PEX1: variants seen among roughly 807,000 people sequenced by gnomAD.
PEX1 encodes the protein peroxisomal biogenesis factor 1, also known as peroxisomal ATPase PEX1.
A neutral mutation model predicts 152.5 loss-of-function variants in PEX1; 97 were observed. The observed-to-expected ratio is 0.64, with a 90% CI of 0.54 to 0.75. PEX1 has a LOEUF of 0.75. Ranked by LOEUF, PEX1 falls within the 30% of genes least tolerant of loss-of-function variation. PEX1 has a pLI of 0.00. For missense variants in PEX1, 1,357 were observed against 1,516.3 expected, an observed-to-expected ratio of 0.89 and a Z score of 1.74; for synonymous variants, 485 against 531.6, an observed-to-expected ratio of 0.91 and a Z score of 1.21.
At chr7:92,487,912 T>C (rs188720913) in intron 23 of PEX1, among the ~76,000 whole-genome samples, 19 of 152,304 alleles carry the variant, frequency 1.2e-4, no homozygotes, top group African/African-American at 4.6e-4. Context: ...TGGTGCAGTA[T>C]ATCTGGCAGG....
intron 6 of PEX1, among the ~76,000 whole-genome samples, chr7:92,512,465 G>A (rs1792520828): frequency 6.6e-6 from 1 of 152,064 alleles, no homozygotes; most frequent in Non-Finnish European, 1.5e-5. Context: ...TAGGACTACA[G>A]GCATGTGCCA....
At chr7:92,518,440 T>C (rs1213462917) in intron 3 of PEX1, among the ~76,000 whole-genome samples, 185 bp from the exon 4 acceptor site, 1 of 152,242 alleles carries the variant, frequency 6.6e-6, no homozygotes, top group East Asian at 1.9e-4. Context: ...AATTAACATA[T>C]ACATCATCTC....
intron 5 of PEX1, among the ~76,000 whole-genome samples, chr7:92,516,055 A>AAAAAGAAAAGAAAAGAAAAGAAAAG (rs58641640): frequency 3.6e-4 from 31 of 85,792 alleles, no homozygotes; most frequent in African/African-American, 1.1e-3. Flanking sequence ...AGAGAAGAGA[A>AAAAAGAAAAGAAAAGAAAAGAAAAG]AAAAGAAAAG....
intron 13 of PEX1, among the ~76,000 whole-genome samples, chr7:92,502,333 C>G (rs1372421145): frequency 6.6e-6 from 1 of 152,074 alleles, no homozygotes; most frequent in East Asian, 1.9e-4. Context: ...AAATTGTACA[C>G]TTTATGTGAG....
At chr7:92,507,731 CTCCCAAGT>C (rs1792271402) in intron 9 of PEX1, 1 of 150,976 alleles carries the variant, frequency 6.6e-6, no homozygotes, top group Non-Finnish European at 1.5e-5. Context: ...CAACCTCTGC[CTCCCAAGT>C]TCGAGCAATT....
chr7:92,517,473 T>C lies in PEX1; in HGVS notation c.1042A>G (p.Thr348Ala), dbSNP rs371309198. ...LLSPKQQQSK[T>A]KQNVLSPEKE... ...TCAGGTGATAACACATTTTGTTTTG[T>C]TTTACTTTGCTGTTGCTTTGGAGAA... The change falls in exon 5 of 24, where the codon ACA becomes GCA. Residue 348 changes from threonine to alanine, a missense_variant. Thr to Ala is a moderately conservative substitution (Grantham distance 58, BLOSUM62 0). Coordinates refer to ENST00000248633, the MANE Select transcript of PEX1 (RefSeq NM_000466.3). 2.3e-5 allele frequency: 37 copies of C among 1,614,018 alleles called. No homozygotes were observed. In the East Asian group the frequency reaches 5.6e-4, roughly 24 times the overall value.
At chr7:92,515,404 A>G (rs1302092341) in intron 5 of PEX1, among the ~76,000 whole-genome samples, 2 of 152,062 alleles carry the variant, frequency 1.3e-5, no homozygotes, top group African/African-American at 2.4e-5. Context: ...CAAGTGATCA[A>G]TTTTGATCTC....
rs1352471741 is a variant in PEX1 at position 92,528,449 on chromosome 7, C to T, written c.-14G>A. 1 of 1,574,958 alleles carries T rather than the reference C, an allele frequency of 6.3e-7. No individual in the cohort carries two copies. Among genetic ancestry groups the T allele is most frequent in the Non-Finnish European group, 8.6e-7 (1 of 1,162,548 alleles). On this transcript the variant is annotated 5_prime_UTR_variant, in exon 1 of 24. Coordinates refer to ENST00000248633, the MANE Select transcript of PEX1 (RefSeq NM_000466.3). ...GCTGCCCCACATCGTCCCGGAGCGTCGCTCTGGGTTCGCCCACCCTAGCGC... is the reference window on the plus strand; with the variant it reads ...GCTGCCCCACATCGTCCCGGAGCGTTGCTCTGGGTTCGCCCACCCTAGCGC...
At position 92,501,917 on chromosome 7, in the gene PEX1, A is replaced by T. The variant is rs1024476499; in HGVS notation, c.2389T>A (p.Ser797Thr). ...LVDRAIHSRLSRQSISTREKL... is the reference protein window; with the variant it reads ...LVDRAIHSRLTRQSISTREKL... ...TCTCTGGTGGATATACTCTGACGAGAGAGTCGAGAATGTATGGCTCGATCC... is the reference window on the plus strand; with the variant it reads ...TCTCTGGTGGATATACTCTGACGAGTGAGTCGAGAATGTATGGCTCGATCC... The change falls in exon 14 of 24, where the codon TCT becomes ACT. Residue 797 changes from serine (S) to threonine (T), a missense_variant. By Grantham distance (58) the Ser-to-Thr change is moderately conservative. Transcript: ENST00000248633. 1.9e-6 allele frequency: 3 copies of T among 1,613,960 alleles called. No individual in the cohort carries two copies. The highest frequency in any genetic ancestry group is 3.3e-5 in the Admixed American group (2 of 60,018).
In PEX1 at chr7:92,493,075, C is replaced by A; in HGVS notation, c.3085G>T (p.Asp1029Tyr). The change falls in exon 20 of 24, where the codon GAT becomes TAT. Residue 1029 changes from aspartate to tyrosine, a missense_variant. Coordinates refer to ENST00000248633, the MANE Select transcript of PEX1 (RefSeq NM_000466.3). Reference protein sequence around the residue: ...VLSDSLPLADDVDLQHVASVT... With the variant: ...VLSDSLPLADYVDLQHVASVT... ...GATGCTACATGCTGAAGGTCAACAT[C>A]ATCTGCCAGAGGTAGAGAGTCACTG... 1.2e-6 allele frequency: 2 copies of A among 1,612,930 alleles called. No homozygotes were observed. The highest frequency in any genetic ancestry group is 1.7e-6 in the Non-Finnish European group (2 of 1,178,986).
intron 1 of PEX1, among the ~76,000 whole-genome samples, chr7:92,525,233 T>A (rs1160438489): frequency 2.0e-5 from 3 of 151,938 alleles, no homozygotes; most frequent in Non-Finnish European, 4.4e-5. Flanking sequence ...TTTCCAGGAG[T>A]CAAATCAAAT....
At chr7:92,522,268 G>GA (rs776890855) in intron 1 of PEX1, 23 bp from the exon 2 acceptor site, 2 of 1,609,122 alleles carry the variant, frequency 1.2e-6, no homozygotes, top group East Asian at 4.5e-5. Flanking sequence ...GAAATGAGAG[G>GA]AAAAAAGGTT....
chr7:92,490,620 G>C (rs922273009), intron 21 of PEX1, among the ~76,000 whole-genome samples: 43 of 116,708 alleles, frequency 3.7e-4, no homozygotes, highest in Admixed American at 1.2e-3. Context: ...GGATGATAGA[G>C]TGAGACTGTC....
intron 16 of PEX1, 60 bp from the exon 17 acceptor site, chr7:92,496,837 TCTGA>T (rs1164987140): frequency 2.1e-5 from 21 of 1,022,440 alleles, no homozygotes; most frequent in African/African-American, 1.9e-4. Flanking sequence ...AAATTTGGTT[TCTGA>T]CTAAGTCTAA....
At chr7:92,503,255 A>G (rs1792022882) in intron 12 of PEX1, 60 bp from the exon 13 acceptor site, 1 of 1,424,850 alleles carries the variant, frequency 7.0e-7, no homozygotes, top group East Asian at 2.4e-5. Flanking sequence ...TTTAAAAATT[A>G]TACATTCATT....
chr7:92,511,594 A>G lies in PEX1; in HGVS notation c.1469T>C (p.Leu490Pro), dbSNP rs1398842883. The change falls in exon 7 of 24, where the codon CTG becomes CCG. Residue 490 changes from leucine to proline, a missense_variant. Leu to Pro is a moderately conservative substitution (Grantham distance 98). Transcript: ENST00000248633. ...LVISEEEFIK[L>P]ETKDGLKEFS... ...AATGTACTCACCATCTTTAGTTTCC[A>G]GCTTAATAAATTCTTCCTCTGATAT... 6.2e-7 allele frequency: 1 copy of G among 1,611,240 alleles called. No individual in the cohort carries two copies. Among genetic ancestry groups the G allele is most frequent in the Non-Finnish European group, 8.5e-7 (1 of 1,177,938 alleles).
chr7:92,491,587 T>C, intron 20 of PEX1, 85 bp from the exon 21 acceptor site: 2 of 817,068 alleles, frequency 2.4e-6, no homozygotes, highest in Non-Finnish European at 2.1e-6. Context: ...AGCATTCTAT[T>C]AGAGCAATAC....
Position 92,502,036 on chromosome 7 carries a change from A to G in PEX1, c.2270T>C (p.Leu757Ser). ...EILCNVIKNK[L>S]DCDINKFTDL... The stretch of plus-strand genomic sequence containing the variant: ...GGTGAACTTGTTTATATCACAGTCC[A>G]ATTTATTTTTTATTACATTACACAG... Residue 757 changes from leucine to serine, a missense_variant, in exon 14 of 24, where the codon TTG becomes TCG. Leu to Ser is a moderately radical substitution (Grantham distance 145, BLOSUM62 -2). Transcript: ENST00000248633. 1.2e-6 allele frequency: 2 copies of G among 1,613,014 alleles called. No individual in the cohort carries two copies. The highest frequency in any genetic ancestry group is 2.2e-5 in the South Asian group (2 of 90,964).
chr7:92,513,768 C>G, intron 6 of PEX1, 80 bp downstream of exon 6: 1 of 1,037,976 alleles, frequency 9.6e-7, no homozygotes, highest in Middle Eastern at 2.4e-4. Flanking sequence ...ATACAACATT[C>G]TTATTACTTA....
Sources: allele counts gnomAD v4.1 joint callset (sites outside exome capture counted in the v4.1 genomes callset), GRCh38; gene constraint gnomAD v4.1.1; transcripts MANE v1.5; gene names NCBI Gene and HGNC (gene_info 2026-07-23, HGNC 2026-07-21).